ADAM19: variants seen among roughly 807,000 people sequenced by gnomAD.
ADAM19 encodes the protein disintegrin and metalloproteinase domain-containing protein 19.
In ADAM19, 65 loss-of-function variants were observed where a neutral mutation model predicts 114.7. The ratio of observed to expected loss-of-function variants is 0.57; its 90% confidence interval spans 0.46 to 0.70. ADAM19 has a LOEUF of 0.70. ADAM19 is among the 30% of genes least tolerant of loss of function. ADAM19 has a pLI of 0.00. For missense variants in ADAM19, 1,063 were observed against 1,204.7 expected (o/e 0.88, Z 1.74); for synonymous variants, 466 against 460.5 (o/e 1.01, Z -0.15).
At chr5:157,491,762 G>A in intron 17 of ADAM19, 39 bp from the exon 18 acceptor site, 1 of 1,611,464 alleles carries the variant, frequency 6.2e-7, no homozygotes, top group Non-Finnish European at 8.5e-7. Flanking sequence ...GCACCCCAGA[G>A]AGCATCAGCC....
At chr5:157,550,217 C>T (rs1757152924) in intron 3 of ADAM19, among the ~76,000 whole-genome samples, 1 of 150,926 alleles carries the variant, frequency 6.6e-6, no homozygotes, top group East Asian at 2.0e-4. Flanking sequence ...CAAGATCAAG[C>T]TATCATCCTC....
At position 157,480,335 on chromosome 5, in the gene ADAM19, C is replaced by T. The variant is rs1183474393; in HGVS notation, c.*614G>A. The T allele has an allele frequency of 2.0e-6, 2 of 986,802 alleles. No individual in the cohort carries two copies. Among genetic ancestry groups the T allele is most frequent in the Non-Finnish European group, 2.4e-6 (2 of 830,930 alleles). 61.1% of individuals were successfully genotyped at this position (986,802 alleles called of 1,614,324 possible). On this transcript the variant is annotated 3_prime_UTR_variant, in exon 23 of 23. Transcript: ENST00000257527. ...TGAGTCAGAGTGACCCGTGTGAATACAGGGATGCAGGGGTTTGGGGAGAGG... is the reference window on the plus strand; with the variant it reads ...TGAGTCAGAGTGACCCGTGTGAATATAGGGATGCAGGGGTTTGGGGAGAGG...
At chr5:157,541,921 T>A (rs1371061865) in intron 3 of ADAM19, among the ~76,000 whole-genome samples, 1 of 152,208 alleles carries the variant, frequency 6.6e-6, no homozygotes, top group Non-Finnish European at 1.5e-5. Flanking sequence ...ATTTCCCATT[T>A]ACCTTGAAAA....
chr5:157,490,317 G>T lies in ADAM19; in HGVS notation c.2233C>A (p.Gln745Lys), dbSNP rs1483776816. 1.2e-6 allele frequency: 2 copies of T among 1,614,096 alleles called. No individual in the cohort carries two copies. Among genetic ancestry groups the T allele is most frequent in the East Asian group, 4.5e-5 (2 of 44,858 alleles). ...CATTGAACCCTGTCATACCTGAACTGTTGCCTCAGCTTGGAAGGGAGAGCT... is the reference window on the plus strand; with the variant it reads ...CATTGAACCCTGTCATACCTGAACTTTTGCCTCAGCTTGGAAGGGAGAGCT... ...PSALPSKLRQ[Q>K]FSCPFRVSQN... Residue 745 changes from glutamine to lysine, a missense_variant, in exon 19 of 23, where the codon CAG becomes AAG. Gln to Lys is a moderately conservative substitution (Grantham distance 53). Around this residue, in one of 3 missense-constraint regions of ADAM19, gnomAD observed 424 missense variants for 445.5 expected, o/e 0.95. Transcript: ENST00000257527.
intron 7 of ADAM19, among the ~76,000 whole-genome samples, chr5:157,516,325 CAGGGCTG>C (rs1756088660): frequency 6.6e-6 from 1 of 152,182 alleles, no homozygotes; most frequent in South Asian, 2.1e-4. Flanking sequence ...GTTGGGAACC[CAGGGCTG>C]TTGCTGAGAC....
At chr5:157,534,130 C>T (rs76294428) in intron 4 of ADAM19, among the ~76,000 whole-genome samples, 13,250 of 152,214 alleles carry the variant, frequency 0.087, 775 homozygotes, top group South Asian at 0.2. Context: ...AGAGCTTTCA[C>T]ATACACTATC....
intron 22 of ADAM19, 50 bp from the exon 23 acceptor site, chr5:157,481,052 A>G (rs1485350127): frequency 6.2e-7 from 1 of 1,612,366 alleles, no homozygotes; most frequent in Non-Finnish European, 8.5e-7. Context: ...GATGCTGATC[A>G]ATGGGATCAA....
At position 157,491,659 on chromosome 5, in the gene ADAM19, G is replaced by A. The variant is rs771583639; in HGVS notation, c.2051C>T (p.Pro684Leu). The change falls in exon 18 of 23, where the codon CCG (proline) becomes CTG (leucine). Residue 684 changes from proline (P) to leucine (L), a missense_variant. By Grantham distance (98) the Pro-to-Leu change is moderately conservative. This residue lies in a region of ADAM19 where 424 missense variants were observed against 445.5 expected (regional missense o/e 0.95). Coordinates refer to ENST00000257527, the MANE Select transcript of ADAM19 (RefSeq NM_033274.5). ...ACTGTCGATACTGCCCCCGTGGCCC[G>A]GTGTGTTGCAGAAGGGCGGGGCCCA... ...PGWAPPFCNT[P>L]GHGGSIDSGP... The A allele has an allele frequency of 1.1e-5, 18 of 1,566,414 alleles. No individual in the cohort carries two copies. Among genetic ancestry groups the A allele is most frequent in the Admixed American group, 9.1e-5 (5 of 55,144 alleles).
intron 11 of ADAM19, 107 bp from the exon 12 acceptor site, chr5:157,503,087 G>A (rs560628744): frequency 2.1e-6 from 2 of 950,034 alleles, no homozygotes; most frequent in Non-Finnish European, 3.2e-6. Flanking sequence ...ACTCCACCTG[G>A]GTTCAGACCC....
intron 4 of ADAM19, among the ~76,000 whole-genome samples, chr5:157,536,819 A>AGT (rs1438929406): frequency 1.2e-4 from 18 of 152,156 alleles, no homozygotes; most frequent in Non-Finnish European, 4.4e-5. Flanking sequence ...CTGCTGAAGG[A>AGT]GTCCTGATGC....
Position 157,535,924 on chromosome 5 carries a change from G to C in ADAM19, c.330+1989C>G, listed in dbSNP as rs1034346970. ...GGCTAACAGCTTTCTAGGCATGCCT[G>C]TTCCCCCATCCCACCCCTGCCCCTG... On this transcript the variant is annotated intron_variant, in intron 4 of 22. Coordinates refer to ENST00000257527, the MANE Select transcript of ADAM19 (RefSeq NM_033274.5). Among the ~76,000 whole-genome samples, 10 of 152,278 alleles carry C rather than the reference G, an allele frequency of 6.6e-5. No homozygotes were observed. In the East Asian group the frequency reaches 1.9e-3, roughly 29 times the overall value.
intron 21 of ADAM19, among the ~76,000 whole-genome samples, chr5:157,485,196 C>T (rs1487031014): frequency 1.3e-5 from 2 of 152,220 alleles, no homozygotes; most frequent in East Asian, 1.9e-4. Flanking sequence ...CTGCCTACTC[C>T]CTGCTCCAAG....
At chr5:157,493,208 C>T (rs777333853) in intron 15 of ADAM19, 31 bp from the exon 16 acceptor site, 16 of 1,604,732 alleles carry the variant, frequency 1.0e-5, no homozygotes, top group African/African-American at 1.3e-5. Context: ...GGGAAGGAAG[C>T]GGAATCAGAG....
chr5:157,552,677 CAAAAAA>C (rs778402112), intron 3 of ADAM19, among the ~76,000 whole-genome samples: 2 of 59,376 alleles, frequency 3.4e-5, no homozygotes, highest in African/African-American at 1.3e-4. Context: ...GGACTCTACT[CAAAAAA>C]AAAAAAAAAA....
intron 22 of ADAM19, 194 bp from the exon 23 acceptor site, chr5:157,481,196 CT>C: frequency 1.5e-6 from 1 of 684,054 alleles, no homozygotes; most frequent in Non-Finnish European, 2.4e-6. Flanking sequence ...GTAGGTGCCC[CT>C]ATCTCAAGCT....
At chr5:157,571,676 C>A (rs7718217) in intron 1 of ADAM19, among the ~76,000 whole-genome samples, 2 of 151,876 alleles carry the variant, frequency 1.3e-5, no homozygotes, top group Non-Finnish European at 2.9e-5. Context: ...TGAGGCAGAG[C>A]GGCGAGAGTG....
At chr5:157,522,372 G>A (rs924459945) in intron 5 of ADAM19, among the ~76,000 whole-genome samples, 1 of 152,200 alleles carries the variant, frequency 6.6e-6, no homozygotes, top group Non-Finnish European at 1.5e-5. Context: ...CATGTGCCAT[G>A]GTGATTTGCT....
chr5:157,501,618 T>C lies in ADAM19; in HGVS notation c.1308+1185A>G, dbSNP rs1446892581. 5.3e-5 allele frequency among the ~76,000 whole-genome samples: 8 copies of C among 152,162 alleles called. 1 individual carries two copies. Among genetic ancestry groups the C allele is most frequent in the Middle Eastern group, 3.2e-3 (1 of 316 alleles). Reference sequence around the variant, plus strand: ...ATTCCTCAACCCCAGTGGCCCTCCATGTTCATACCACTCCCTCCTTTCTGA... The same window carrying C: ...ATTCCTCAACCCCAGTGGCCCTCCACGTTCATACCACTCCCTCCTTTCTGA... On this transcript the variant is annotated intron_variant, in intron 12 of 22. Coordinates refer to ENST00000257527, the MANE Select transcript of ADAM19 (RefSeq NM_033274.5).
intron 3 of ADAM19, among the ~76,000 whole-genome samples, chr5:157,551,354 A>C (rs140904919): frequency 2.1e-3 from 293 of 141,664 alleles, no homozygotes; most frequent in Middle Eastern, 7.5e-3. Context: ...CAATGAGCTG[A>C]GATTGCGCCA....
Sources: allele counts gnomAD v4.1 joint callset (sites outside exome capture counted in the v4.1 genomes callset), GRCh38; gene constraint gnomAD v4.1.1; regional missense constraint gnomAD v4.1.1; transcripts MANE v1.5; gene names NCBI Gene and HGNC (gene_info 2026-07-23, HGNC 2026-07-21).